Variants in EDA observed in about 807,000 individuals in gnomAD.
EDA encodes ectodysplasin A.
EDA carries 2 observed loss-of-function variants against 23.6 expected under a neutral mutation model. That is an observed-to-expected ratio of 0.08 (90% CI 0.03 to 0.27). EDA has a LOEUF of 0.27. EDA is among the 10% of genes least tolerant of loss of function. The pLI, the probability that EDA is intolerant of heterozygous loss-of-function variation, is 1.00. For synonymous variants in EDA, 131 were observed against 132.0 expected (o/e 0.99, Z 0.05); for missense variants, 229 against 324.2 (o/e 0.71, Z 2.26).
At chrX:70,027,397 C>T (rs962861689) in intron 3 of EDA, among the ~76,000 whole-genome samples, 4 of 111,476 alleles carry the variant, frequency 3.6e-5, no homozygotes, top group Admixed American at 9.5e-5. Flanking sequence ...ATAAGACAGA[C>T]GGAGACAGGG....
chrX:69,810,528 A>T (rs2015929546), intron 1 of EDA, among the ~76,000 whole-genome samples: 1 of 107,209 alleles, frequency 9.3e-6, no homozygotes, highest in African/African-American at 3.4e-5. Context: ...AGGTCAAGGC[A>T]GGTGGATCAC....
chrX:69,740,032 T>C (rs1029800996), intron 1 of EDA, among the ~76,000 whole-genome samples: 4 of 111,545 alleles, frequency 3.6e-5, no homozygotes, highest in African/African-American at 1.3e-4. Flanking sequence ...CCACTTGCTA[T>C]CATTGCCTTA....
chrX:69,787,418 G>A (rs1160152746), intron 1 of EDA, among the ~76,000 whole-genome samples: 10 of 106,276 alleles, frequency 9.4e-5, no homozygotes, highest in Admixed American at 2.0e-4. Context: ...ATGATTTTGT[G>A]GTGGCTGGTA....
chrX:69,619,989 A>C (rs1398076327), intron 1 of EDA, among the ~76,000 whole-genome samples: 2 of 111,995 alleles, frequency 1.8e-5, no homozygotes, highest in African/African-American at 6.5e-5. Context: ...AGCTGATAAA[A>C]GTCCTCAAAA....
chrX:69,929,531 A>G (rs2018566818), intron 1 of EDA, among the ~76,000 whole-genome samples: 1 of 109,741 alleles, frequency 9.1e-6, no homozygotes, highest in African/African-American at 3.3e-5. Context: ...CTGAGGTTAA[A>G]CAACTACCCT....
chrX:69,828,095 C>G (rs779338816), intron 1 of EDA, among the ~76,000 whole-genome samples: 53 of 110,913 alleles, frequency 4.8e-4, no homozygotes, highest in African/African-American at 1.7e-3. Context: ...AACCACTGCT[C>G]TCTTCAAAGC....
intron 1 of EDA, among the ~76,000 whole-genome samples, chrX:69,790,745 A>G (rs988150106): frequency 6.3e-5 from 7 of 111,597 alleles, no homozygotes; most frequent in Non-Finnish European, 1.3e-4. Context: ...TCTGCTCTAC[A>G]CTATCATATT....
At chrX:70,004,598 A>G (rs966595131) in intron 2 of EDA, among the ~76,000 whole-genome samples, 6 of 112,459 alleles carry the variant, frequency 5.3e-5, no homozygotes, top group African/African-American at 1.9e-4. Context: ...GAGATAGAAG[A>G]TAAACTCTTA....
intron 1 of EDA, among the ~76,000 whole-genome samples, chrX:69,827,897 A>T (rs1316901267): frequency 3.6e-5 from 4 of 110,976 alleles, no homozygotes; most frequent in Admixed American, 9.6e-5. Context: ...GTCCTTTCTG[A>T]TTGTTAGTCT....
chrX:69,910,374 A>AGTGTGTGT (rs4007733), intron 1 of EDA, among the ~76,000 whole-genome samples: 2 of 41,754 alleles, frequency 4.8e-5, no homozygotes, highest in South Asian at 1.5e-3. Context: ...AGAGAGAGAG[A>AGTGTGTGT]GTGTGTGTGT....
At chrX:69,870,164 A>G (rs1189700185) in intron 1 of EDA, among the ~76,000 whole-genome samples, 1 of 111,651 alleles carries the variant, frequency 9.0e-6, no homozygotes. Flanking sequence ...ATAAACTATT[A>G]TAACCTTTTT....
intron 1 of EDA, among the ~76,000 whole-genome samples, chrX:69,933,312 G>A: frequency 9.0e-6 from 1 of 111,656 alleles, no homozygotes; most frequent in Non-Finnish European, 1.9e-5. Flanking sequence ...TGTAAAACTT[G>A]TTTTTTTCTG....
chrX:69,836,348 GTC>G (rs201973773), intron 1 of EDA, among the ~76,000 whole-genome samples: 25,893 of 111,670 alleles, frequency 0.23, 2,322 homozygotes, highest in African/African-American at 0.31. Context: ...CAGAGGTAGA[GTC>G]TAGAGGCAGT....
chrX:69,858,512 A>G (rs1251026085), intron 1 of EDA, among the ~76,000 whole-genome samples: 4 of 111,817 alleles, frequency 3.6e-5, no homozygotes, highest in African/African-American at 9.8e-5. Flanking sequence ...CTTTAGTTCT[A>G]TTTATGTGAT....
Position 69,959,210 on chromosome X carries a change from C to T in EDA, c.502+2078C>T, listed in dbSNP as rs759759969. On this transcript the variant is annotated intron_variant, in intron 2 of 7. Coordinates refer to ENST00000374552, the MANE Select transcript of EDA (RefSeq NM_001399.5). ...TATATACTTCCCTCCTGATCTGATACTCTAGTCAGTCACTAGACTCTAGTC... is the reference window on the plus strand; with the variant it reads ...TATATACTTCCCTCCTGATCTGATATTCTAGTCAGTCACTAGACTCTAGTC... Among the ~76,000 whole-genome samples, 4 of 112,108 alleles carry T rather than the reference C, an allele frequency of 3.6e-5. No individual in the cohort carries two copies. In the South Asian group the frequency reaches 1.5e-3, roughly 41 times the overall value.
intron 1 of EDA, among the ~76,000 whole-genome samples, chrX:69,911,901 T>C (rs908513066): frequency 1.4e-4 from 16 of 112,460 alleles, no homozygotes; most frequent in African/African-American, 4.8e-4. Context: ...TGTGGCACTT[T>C]CTTAAAATAA....
intron 1 of EDA, among the ~76,000 whole-genome samples, chrX:69,668,278 CT>C (rs1469295246): frequency 1.7e-4 from 19 of 111,626 alleles, no homozygotes; most frequent in Admixed American, 1.2e-3. Flanking sequence ...AGATTTCTTA[CT>C]GTTATTGATT....
At chrX:69,837,253 G>T (rs1177370809) in intron 1 of EDA, among the ~76,000 whole-genome samples, 1 of 111,742 alleles carries the variant, frequency 8.9e-6, no homozygotes, top group Non-Finnish European at 1.9e-5. Context: ...CACAATCAGA[G>T]TTGTGGCTTA....
At chrX:69,952,258 G>A (rs2018938276) in intron 1 of EDA, among the ~76,000 whole-genome samples, 1 of 111,888 alleles carries the variant, frequency 8.9e-6, no homozygotes, top group Non-Finnish European at 1.9e-5. Flanking sequence ...GCATACCTAA[G>A]ACTGGGCAAT....
Sources: gnomAD v4.1 joint callset for allele counts (sites outside exome capture counted in the v4.1 genomes callset) on GRCh38, gnomAD v4.1.1 for gene constraint, MANE v1.5 for transcripts, NCBI Gene and HGNC (gene_info 2026-07-23, HGNC 2026-07-21) for gene names.